USP24: variants seen among roughly 807,000 people sequenced by gnomAD.
USP24 encodes ubiquitin specific peptidase 24, also known as ubiquitin carboxyl-terminal hydrolase 24.
Under a neutral mutation model 361.6 loss-of-function variants are expected in USP24, and 97 were observed. The ratio of observed to expected loss-of-function variants is 0.27; its 90% CI spans 0.23 to 0.32. USP24 has a LOEUF of 0.32. USP24 is among the 10% of genes least tolerant of loss of function. The probability of loss-of-function intolerance (pLI) is 1.00; values close to 1 mark genes in which losing one functional copy is unlikely to be tolerated. For missense variants in USP24, 2,353 were observed against 3,165.6 expected (o/e 0.74, Z 6.16); for synonymous variants, 1,098 against 1,124.6 (o/e 0.98, Z 0.47).
chr1:55,120,543 T>G (rs1038824497), intron 38 of USP24, 53 bp downstream of exon 38: 5 of 1,472,976 alleles, frequency 3.4e-6, no homozygotes, highest in African/African-American at 1.4e-5. Context: ...GCACACAAAT[T>G]ATCATTTATC....
chr1:55,154,183 G>A lies in USP24; in HGVS notation c.1748C>T (p.Ala583Val). The change falls in exon 15 of 68, where the codon GCA (alanine) becomes GTA (valine). Residue 583 changes from alanine (A) to valine (V), a missense_variant. This residue lies in a region of USP24 where 386 missense variants were observed against 560.5 expected (regional missense o/e 0.69). Transcript: ENST00000294383. ...CTTGATTGCTTCTTTCACTGCATATGCATCACTAAGGATTGTCAGGTGCTC... is the reference window on the plus strand; with the variant it reads ...CTTGATTGCTTCTTTCACTGCATATACATCACTAAGGATTGTCAGGTGCTC... Reference protein sequence around the residue: ...LEEHLTILSDAYAVKEAIKRS... With the variant: ...LEEHLTILSDVYAVKEAIKRS... 6.2e-7 allele frequency: 1 copy of A among 1,613,570 alleles called. No homozygotes were observed. The highest frequency in any genetic ancestry group is 1.1e-5 in the South Asian group (1 of 91,076).
intron 20 of USP24, among the ~76,000 whole-genome samples, chr1:55,144,706 A>G (rs1277246378): frequency 1.3e-5 from 2 of 152,168 alleles, no homozygotes; most frequent in African/African-American, 4.8e-5. Flanking sequence ...AGGCTGAAGC[A>G]GGAGGATCAC....
At position 55,066,641 on chromosome 1, in the gene USP24, G is replaced by C. The variant is rs907060691; in HGVS notation, c.*2404C>G. 6.6e-6 allele frequency: 1 copy of C among 152,136 alleles called. No homozygotes were observed. The highest frequency in any genetic ancestry group is 1.9e-4 in the East Asian group (1 of 5,180). 9.4% of individuals were successfully genotyped at this position (152,136 alleles called of 1,614,324 possible). On this transcript the variant is annotated 3_prime_UTR_variant, in exon 68 of 68. Coordinates refer to ENST00000294383, the MANE Select transcript of USP24 (RefSeq NM_015306.3). ...CCTAAAACTGACTGTAGTTGTCAGTGACCGTGTGAGGACTCCAGGAGAAGT... is the reference window on the plus strand; with the variant it reads ...CCTAAAACTGACTGTAGTTGTCAGTCACCGTGTGAGGACTCCAGGAGAAGT...
chr1:55,113,472 A>G (rs929191947), intron 38 of USP24, among the ~76,000 whole-genome samples: 94 of 152,348 alleles, frequency 6.2e-4, no homozygotes, highest in African/African-American at 2.2e-3. Flanking sequence ...AGCTGGTACC[A>G]TTCCTTCTGA....
chr1:55,215,054 G>A lies in USP24; in HGVS notation c.60C>T (p.Pro20=). 6.8e-7 allele frequency: 1 copy of A among 1,465,218 alleles called. No individual in the cohort carries two copies. The highest frequency in any genetic ancestry group is 9.0e-7 in the Non-Finnish European group (1 of 1,105,504). The allele number at this position is 1,465,218 out of a possible 1,614,324, so 90.8% of individuals were successfully genotyped here. ...GGCGCAGGGCCTTGCGGATGGTGGC[G>A]GGGTCTGAGAAGCCCATGCACAGCA... is the stretch of plus-strand genomic sequence containing the variant. ...TTLLCMGFSD[P]ATIRKALRLA... The change falls in exon 1 of 68, where the codon CCC becomes CCT. Residue 20 remains proline, a synonymous_variant. Transcript: ENST00000294383.
chr1:55,140,254 T>C (rs1443762332), intron 24 of USP24, among the ~76,000 whole-genome samples: 1 of 152,296 alleles, frequency 6.6e-6, no homozygotes, highest in African/African-American at 2.4e-5. Flanking sequence ...TTTAAAGAAG[T>C]AGGAGTTTGG....
intron 66 of USP24, 112 bp from the exon 67 acceptor site, chr1:55,072,036 A>T: frequency 1.1e-6 from 1 of 948,222 alleles, no homozygotes; most frequent in Non-Finnish European, 1.6e-6. Flanking sequence ...GAGGCCTGAG[A>T]GTGAGGCCTT....
intron 45 of USP24, among the ~76,000 whole-genome samples, 160 bp downstream of exon 45, chr1:55,099,611 T>C: frequency 6.6e-6 from 1 of 152,156 alleles, no homozygotes; most frequent in South Asian, 2.1e-4. Flanking sequence ...TGATCTGTGT[T>C]ATGTTTTGAT....
intron 32 of USP24, among the ~76,000 whole-genome samples, chr1:55,126,003 G>A (rs1646418780): frequency 6.6e-6 from 1 of 152,044 alleles, no homozygotes; most frequent in Non-Finnish European, 1.5e-5. Context: ...ACCCATCAGG[G>A]TGATCCTTAG....
chr1:55,153,570 T>C (rs1450824861), intron 16 of USP24, among the ~76,000 whole-genome samples: 3 of 152,182 alleles, frequency 2.0e-5, no homozygotes. Context: ...TTATTAAAAC[T>C]GTGCATACTT....
rs183575849 is a variant in USP24, at chr1:55,075,422, T to C, written c.7447+35A>G. ...AACAATAGATTATCCACATATTTACTATAGACATTTGTGCATAAGACCAGG... is the reference window on the plus strand; with the variant it reads ...AACAATAGATTATCCACATATTTACCATAGACATTTGTGCATAAGACCAGG... On this transcript the variant is annotated intron_variant, in intron 63 of 67. Transcript: ENST00000294383. 5.2e-6 allele frequency: 8 copies of C among 1,551,230 alleles called. No individual in the cohort carries two copies. The African/African-American group carries it at 1.1e-4, about 21-fold the overall frequency.
intron 38 of USP24, among the ~76,000 whole-genome samples, chr1:55,111,555 A>G (rs777414542): frequency 1.3e-5 from 2 of 152,152 alleles, no homozygotes; most frequent in Non-Finnish European, 2.9e-5. Flanking sequence ...AAAAGTTGGA[A>G]TTCTAAAGTA....
intron 1 of USP24, among the ~76,000 whole-genome samples, chr1:55,185,313 A>T (rs1177597022): frequency 6.6e-6 from 1 of 151,970 alleles, no homozygotes; most frequent in Non-Finnish European, 1.5e-5. Context: ...ATTTCAAATC[A>T]ACAACATAAC....
At chr1:55,192,114 A>G (rs999220503) in intron 1 of USP24, among the ~76,000 whole-genome samples, 6 of 152,132 alleles carry the variant, frequency 3.9e-5, no homozygotes, top group African/African-American at 1.4e-4. Flanking sequence ...GCTTTAAAAA[A>G]TCAACATGCA....
chr1:55,185,736 A>AT (rs35643676), intron 1 of USP24, among the ~76,000 whole-genome samples: 36 of 144,740 alleles, frequency 2.5e-4, no homozygotes, highest in African/African-American at 8.3e-4. Flanking sequence ...CATCTTTCTG[A>AT]TTTTTTTTTT....
intron 38 of USP24, among the ~76,000 whole-genome samples, chr1:55,116,952 C>T (rs1227414075): frequency 1.3e-5 from 2 of 152,176 alleles, no homozygotes; most frequent in Admixed American, 1.3e-4. Context: ...CAACAAAATA[C>T]TATCAAACCA....
intron 1 of USP24, among the ~76,000 whole-genome samples, chr1:55,186,388 G>T (rs192317689): frequency 6.6e-6 from 1 of 152,196 alleles, no homozygotes; most frequent in Non-Finnish European, 1.5e-5. Flanking sequence ...AACTTAAATG[G>T]AACTACCATG....
At chr1:55,119,531 C>T (rs557812441) in intron 38 of USP24, among the ~76,000 whole-genome samples, 5 of 151,714 alleles carry the variant, frequency 3.3e-5, no homozygotes, top group African/African-American at 7.3e-5. Flanking sequence ...CTTAATGTCG[C>T]GGAATTGTAT....
Position 55,154,394 on chromosome 1 carries a change from G to A in USP24, c.1627C>T (p.Arg543Cys), listed in dbSNP as rs1647404095. 6.4e-7 allele frequency: 1 copy of A among 1,551,468 alleles called. No homozygotes were observed. Among genetic ancestry groups the A allele is most frequent in the African/African-American group, 1.4e-5 (1 of 73,142 alleles). Residue 543 changes from arginine (R) to cysteine (C), a missense_variant, in exon 14 of 68, where the codon CGC becomes TGC. Physicochemically the swap from Arg to Cys is radical, Grantham distance 180. Around this residue, in one of 8 missense-constraint regions of USP24, gnomAD observed 386 missense variants for 560.5 expected, o/e 0.69. Coordinates refer to ENST00000294383, the MANE Select transcript of USP24 (RefSeq NM_015306.3). The part of the protein sequence containing the change: ...SLIGRIGREA[R>C]FETTSGKVLD... ...GCCTTTCCAGAAGTGGTCTCAAAGC[G>A]AGCTTCCCGGCCTATTCGTCCAATC...
Sources: allele counts gnomAD v4.1 joint callset (sites outside exome capture counted in the v4.1 genomes callset), GRCh38; gene constraint gnomAD v4.1.1; regional missense constraint gnomAD v4.1.1; transcripts MANE v1.5; gene names NCBI Gene and HGNC (gene_info 2026-07-23, HGNC 2026-07-21).